The following FAM227A variants were observed in gnomAD, a reference collection of about 807,000 sequenced individuals.
FAM227A encodes protein FAM227A.
In FAM227A, 80 loss-of-function variants were observed where a neutral mutation model predicts 74.7. The observed-to-expected ratio is 1.07, with a 90% CI of 0.89 to 1.29. The LOEUF is 1.29. FAM227A is among the 50% of genes most tolerant of loss of function. FAM227A has a pLI of 0.00. For missense variants in FAM227A, 654 were observed against 683.4 expected, an observed-to-expected ratio of 0.96 and a Z score of 0.48; for synonymous variants, 237 against 241.8, an observed-to-expected ratio of 0.98 and a Z score of 0.19.
At chr22:38,628,460 TA>T in intron 7 of FAM227A, 118 bp from the exon 8 acceptor site, 1 of 689,878 alleles carries the variant, frequency 1.4e-6, no homozygotes, top group Middle Eastern at 3.1e-4. Flanking sequence ...TCAAGATATT[TA>T]GCCTCATATG....
At chr22:38,623,817 C>A (rs2091742102) in intron 9 of FAM227A, among the ~76,000 whole-genome samples, 1 of 152,174 alleles carries the variant, frequency 6.6e-6, no homozygotes, top group Admixed American at 6.5e-5. Flanking sequence ...ACAGTAGGTG[C>A]TTAGTAAATG....
intron 14 of FAM227A, among the ~76,000 whole-genome samples, chr22:38,598,793 G>C (rs564982484): frequency 6.6e-6 from 1 of 152,240 alleles, no homozygotes; most frequent in African/African-American, 2.4e-5. Context: ...GAGAGAAGCT[G>C]GAACTTATCT....
intron 11 of FAM227A, among the ~76,000 whole-genome samples, chr22:38,613,245 AATAT>A (rs1304628042): frequency 2.1e-4 from 17 of 82,224 alleles, no homozygotes; most frequent in African/African-American, 8.2e-4. Context: ...TATAATATAT[AATAT>A]ATAACATATA....
intron 16 of FAM227A, among the ~76,000 whole-genome samples, chr22:38,589,088 A>G (rs2090875574): frequency 6.6e-6 from 1 of 152,178 alleles, no homozygotes; most frequent in Non-Finnish European, 1.5e-5. Flanking sequence ...CAATGAAGAC[A>G]TTAGGGTGGG....
At chr22:38,646,421 G>A (rs959731623) in intron 2 of FAM227A, among the ~76,000 whole-genome samples, 9 of 132,106 alleles carry the variant, frequency 6.8e-5, no homozygotes, top group South Asian at 2.5e-4. Flanking sequence ...CACTACGCCC[G>A]GCTAATTTTT....
intron 5 of FAM227A, among the ~76,000 whole-genome samples, chr22:38,637,402 T>C (rs897283762): frequency 6.6e-6 from 1 of 152,238 alleles, no homozygotes; most frequent in Non-Finnish European, 1.5e-5. Context: ...AAAATGCTAA[T>C]ATTGGATATT....
At chr22:38,645,875 C>A (rs905487754) in intron 2 of FAM227A, among the ~76,000 whole-genome samples, 2 of 152,078 alleles carry the variant, frequency 1.3e-5, no homozygotes, top group Non-Finnish European at 2.9e-5. Context: ...AGCAGACCTC[C>A]CGGGCTCAAT....
intron 10 of FAM227A, among the ~76,000 whole-genome samples, chr22:38,621,033 C>T (rs1325553847): frequency 1.3e-5 from 2 of 151,114 alleles, no homozygotes; most frequent in African/African-American, 4.9e-5. Flanking sequence ...TTTTTCTTCA[C>T]TTTGAAAAAA....
At position 38,590,639 on chromosome 22, in the gene FAM227A, GC is replaced by G. The variant is rs1316511543; in HGVS notation, c.1638+795del. Among the ~76,000 whole-genome samples the G allele has an allele frequency of 3.3e-5, 5 of 152,332 alleles. No individual in the cohort carries two copies. In the East Asian group the frequency reaches 9.6e-4, roughly 29 times the overall value. On this transcript the variant is annotated intron_variant, in intron 16 of 16. Coordinates refer to ENST00000535113, the MANE Select transcript of FAM227A (RefSeq NM_001013647.2). ...AGTTTGAGCTGGCTTCCTGGCACAT[GC>G]AACCAAGGAGCTCTGTCTCATACAG...
intron 14 of FAM227A, 81 bp from the exon 15 acceptor site, chr22:38,597,437 G>T: frequency 7.5e-7 from 1 of 1,334,262 alleles, no homozygotes. Flanking sequence ...CGCAGTGCAT[G>T]GGGAAGAGGG....
chr22:38,651,836 C>A (rs2092327734), intron 1 of FAM227A, among the ~76,000 whole-genome samples: 1 of 152,150 alleles, frequency 6.6e-6, no homozygotes, highest in Non-Finnish European at 1.5e-5. Flanking sequence ...GAGTAAGAAA[C>A]CTTCTGCCCT....
At chr22:38,595,646 CAT>C (rs948023172) in intron 15 of FAM227A, among the ~76,000 whole-genome samples, 27 of 152,298 alleles carry the variant, frequency 1.8e-4, no homozygotes, top group African/African-American at 6.3e-4. Context: ...GAAAGACAAA[CAT>C]GTGCTCTTAC....
Position 38,605,350 on chromosome 22 carries a change from TG to T in FAM227A, c.1127-3del. ...AGACCAGGGTCTGACAATGATGCTC[TG>T]TCAATGTGACATTAGCAAGAAAATG... On this transcript the variant is annotated splice_polypyrimidine_tract_variant and splice_region_variant and intron_variant, in intron 12 of 16. Coordinates refer to ENST00000535113, the MANE Select transcript of FAM227A (RefSeq NM_001013647.2). The T allele has an allele frequency of 6.5e-7, 1 of 1,527,202 alleles. No individual in the cohort carries two copies. The highest frequency in any genetic ancestry group is 8.9e-7 in the Non-Finnish European group (1 of 1,124,530). 94.6% of individuals were successfully genotyped at this position (1,527,202 alleles called of 1,614,324 possible). A position where few individuals can be genotyped will look rare whatever the true frequency, so the allele number is the denominator to read the frequency against.
chr22:38,633,728 G>A (rs1475673167), intron 6 of FAM227A, among the ~76,000 whole-genome samples: 3 of 151,944 alleles, frequency 2.0e-5, no homozygotes, highest in African/African-American at 4.8e-5. Flanking sequence ...TTTTAGTAGA[G>A]ACAGGGTTTC....
intron 6 of FAM227A, among the ~76,000 whole-genome samples, chr22:38,629,402 G>C (rs971298623): frequency 6.6e-6 from 1 of 152,232 alleles, no homozygotes; most frequent in Admixed American, 6.5e-5. Context: ...TCATACAACT[G>C]GGTCTTCACC....
Position 38,620,309 on chromosome 22 carries a change from C to T in FAM227A, c.959-18G>A. The T allele has an allele frequency of 2.0e-6, 3 of 1,529,100 alleles. No individual in the cohort carries two copies. The highest frequency in any genetic ancestry group is 2.7e-6 in the Non-Finnish European group (3 of 1,126,676). The allele number at this position is 1,529,100 out of a possible 1,614,324, so 94.7% of individuals were successfully genotyped here. A position where few individuals can be genotyped will look rare whatever the true frequency, so the allele number is the denominator to read the frequency against. On this transcript the variant is annotated intron_variant, in intron 10 of 16. Coordinates refer to ENST00000535113, the MANE Select transcript of FAM227A (RefSeq NM_001013647.2). ...CTCTCTCCCTATAGAAGGGGAAAAGCTGTTATTAATTCCTCTTGTCATGGG... is the reference window on the plus strand; with the variant it reads ...CTCTCTCCCTATAGAAGGGGAAAAGTTGTTATTAATTCCTCTTGTCATGGG...
At chr22:38,629,025 C>T (rs898271969) in intron 6 of FAM227A, 90 bp from the exon 7 acceptor site, 19 of 783,092 alleles carry the variant, frequency 2.4e-5, no homozygotes, top group Non-Finnish European at 3.5e-5. Context: ...AACAGAAAAA[C>T]CACCTAATCT....
intron 3 of FAM227A, among the ~76,000 whole-genome samples, chr22:38,640,186 A>G (rs1730386437): frequency 6.6e-6 from 1 of 151,888 alleles, no homozygotes; most frequent in African/African-American, 2.4e-5. Context: ...GGCGCCTGCC[A>G]CCACGCCCGG....
At chr22:38,638,967 C>T (rs781132935) in intron 4 of FAM227A, 145 bp from the exon 5 acceptor site, 8 of 565,974 alleles carry the variant, frequency 1.4e-5, no homozygotes, top group African/African-American at 3.9e-5. Context: ...ACTGTGTTGC[C>T]GACTTATCTG....
Sources: allele counts gnomAD v4.1 joint callset (sites outside exome capture counted in the v4.1 genomes callset), GRCh38; gene constraint gnomAD v4.1.1; transcripts MANE v1.5; gene names NCBI Gene and HGNC (gene_info 2026-07-23, HGNC 2026-07-21).